Variants in KLF8 observed in about 807,000 individuals in gnomAD.
The protein encoded by KLF8 is KLF transcription factor 8.
In KLF8, 10 loss-of-function variants were observed where a neutral mutation model predicts 18.2. That is an observed-to-expected ratio of 0.55 (90% CI 0.34 to 0.93). The LOEUF (loss-of-function observed/expected upper bound fraction) is 0.93. Ranked by LOEUF, KLF8 falls within the 40% of genes least tolerant of loss-of-function variation. The pLI, the probability that KLF8 is intolerant of heterozygous loss-of-function variation, is 0.02. For missense variants in KLF8, 264 were observed against 277.9 expected (o/e 0.95, Z 0.36); for synonymous variants, 109 against 97.3 (o/e 1.12, Z -0.71).
At chrX:55,986,261 T>C in the KLF8 span, among the ~76,000 whole-genome samples, 52 of 112,059 alleles carry the variant, frequency 4.6e-4, no homozygotes, top group South Asian at 1.5e-3. Context: ...CGGTGTGATA[T>C]TGTCTGTGGA....
At chrX:56,260,325 T>C (rs1469207623) in intron 2 of KLF8, among the ~76,000 whole-genome samples, 7 of 111,825 alleles carry the variant, frequency 6.3e-5, no homozygotes, top group Non-Finnish European at 1.3e-4. Context: ...GTGTTATATA[T>C]ATTTTCCAAT....
the KLF8 span, among the ~76,000 whole-genome samples, chrX:56,075,435 A>T: frequency 2.1e-4 from 23 of 111,143 alleles, no homozygotes; most frequent in Admixed American, 7.7e-4. Context: ...AGATGTTTTG[A>T]TACAGGCATA....
the KLF8 span, among the ~76,000 whole-genome samples, chrX:56,022,551 CAAAAAAA>C: frequency 4.8e-4 from 13 of 27,307 alleles, no homozygotes; most frequent in Admixed American, 3.7e-3. Flanking sequence ...TCTGTCTGAC[CAAAAAAA>C]AAAAAAAAAA....
chrX:56,001,900 C>T, the KLF8 span, among the ~76,000 whole-genome samples: 1 of 112,057 alleles, frequency 8.9e-6, no homozygotes, highest in East Asian at 2.8e-4. Flanking sequence ...CCAGTGCAAT[C>T]TTTTCAAATT....
In KLF8 at chrX:56,289,598, C is replaced by G. The variant is rs182936328; in HGVS notation, c.*5104C>G. Among the ~76,000 whole-genome samples, 273 of 111,462 alleles carry G rather than the reference C, an allele frequency of 2.4e-3. 2 individuals carry two copies. Among genetic ancestry groups the G allele is most frequent in the African/African-American group, 8.5e-3 (262 of 30,702 alleles). The stretch of plus-strand genomic sequence containing the variant: ...TGATGTTTTCAACTCTAACCTGTTA[C>G]CACGTGAATCATTCTAGCTTCTTCC... On this transcript the variant is annotated 3_prime_UTR_variant, in exon 6 of 6. Coordinates refer to ENST00000468660, the MANE Select transcript of KLF8 (RefSeq NM_007250.5).
At chrX:56,102,695 C>T in the KLF8 span, among the ~76,000 whole-genome samples, 1 of 110,848 alleles carries the variant, frequency 9.0e-6, no homozygotes, top group Non-Finnish European at 1.9e-5. Context: ...CTGTATTTCT[C>T]GATATTTCAT....
At chrX:56,138,980 C>T in the KLF8 span, among the ~76,000 whole-genome samples, 2 of 111,182 alleles carry the variant, frequency 1.8e-5, no homozygotes, top group Non-Finnish European at 3.8e-5. Context: ...TTTTAGCCTA[C>T]AAAATCAGTG....
the KLF8 span, among the ~76,000 whole-genome samples, chrX:55,947,343 T>G: frequency 1.8e-5 from 2 of 109,632 alleles, no homozygotes; most frequent in African/African-American, 6.7e-5. Context: ...TGTAGGGACA[T>G]GGATGAAATT....
chrX:56,077,816 A>T, the KLF8 span, among the ~76,000 whole-genome samples: 1 of 110,942 alleles, frequency 9.0e-6, no homozygotes, highest in Non-Finnish European at 1.9e-5. Flanking sequence ...CTTTTATTTC[A>T]TTGAGCAGTG....
the KLF8 span, among the ~76,000 whole-genome samples, chrX:56,064,779 G>A: frequency 4.5e-5 from 5 of 111,419 alleles, no homozygotes; most frequent in African/African-American, 1.6e-4. Flanking sequence ...TCTGGTAGGG[G>A]CATTCTAGTG....
At chrX:56,188,259 T>C in the KLF8 span, among the ~76,000 whole-genome samples, 17 of 111,268 alleles carry the variant, frequency 1.5e-4, no homozygotes, top group South Asian at 1.1e-3. Flanking sequence ...ATGAGTGAAC[T>C]CCCATTCACA....
the KLF8 span, among the ~76,000 whole-genome samples, chrX:56,180,570 A>T: frequency 1.8e-5 from 2 of 109,661 alleles, no homozygotes; most frequent in African/African-American, 6.7e-5. Context: ...GTCAATTTTG[A>T]TCTTTCCTGC....
the KLF8 span, among the ~76,000 whole-genome samples, chrX:56,008,769 G>A: frequency 8.9e-6 from 1 of 112,245 alleles, no homozygotes; most frequent in Non-Finnish European, 1.9e-5. Flanking sequence ...GGGAGACTGG[G>A]CAGTTTGGAA....
chrX:56,133,906 C>T, the KLF8 span, among the ~76,000 whole-genome samples: 4 of 81,701 alleles, frequency 4.9e-5, no homozygotes, highest in Non-Finnish European at 9.9e-5. Context: ...GAACTGAACC[C>T]CTTTTACAAT....
chrX:56,225,065 A>G, the KLF8 span, among the ~76,000 whole-genome samples: 1 of 111,186 alleles, frequency 9.0e-6, no homozygotes, highest in Non-Finnish European at 1.9e-5. Flanking sequence ...AAAAGGCCCT[A>G]CCTCTTAATA....
the KLF8 span, among the ~76,000 whole-genome samples, chrX:56,151,800 G>A: frequency 9.0e-6 from 1 of 111,165 alleles, no homozygotes; most frequent in Non-Finnish European, 1.9e-5. Flanking sequence ...GAGAATTTAA[G>A]TTCTAGGCAT....
chrX:56,178,226 G>A, the KLF8 span, among the ~76,000 whole-genome samples: 1 of 112,536 alleles, frequency 8.9e-6, no homozygotes, highest in East Asian at 2.8e-4. Flanking sequence ...GCATTTCTCT[G>A]ATGGCCAGTG....
the KLF8 span, among the ~76,000 whole-genome samples, chrX:55,953,158 G>T: frequency 9.0e-6 from 1 of 111,450 alleles, no homozygotes; most frequent in African/African-American, 3.3e-5. Flanking sequence ...ACAAGATGAG[G>T]TTCCTGCCTG....
chrX:56,053,160 C>T, the KLF8 span, among the ~76,000 whole-genome samples: 31 of 112,285 alleles, frequency 2.8e-4, no homozygotes, highest in African/African-American at 1.0e-3. Context: ...GACCTGCGCC[C>T]ACTGTCTGGC....
Sources: gnomAD v4.1 joint callset for allele counts (sites outside exome capture counted in the v4.1 genomes callset) on GRCh38, gnomAD v4.1.1 for gene constraint, MANE v1.5 for transcripts, NCBI Gene and HGNC (gene_info 2026-07-23, HGNC 2026-07-21) for gene names.